Variants in GALNTL6 observed in about 807,000 individuals in gnomAD.
The protein encoded by GALNTL6 is polypeptide N-acetylgalactosaminyltransferase like 6.
GALNTL6 carries 46 observed loss-of-function variants against 73.7 expected under a neutral mutation model. That is an observed-to-expected ratio of 0.62 (90% CI 0.49 to 0.80). The LOEUF is 0.80. Ranked by LOEUF, GALNTL6 falls within the 30% of genes least tolerant of loss-of-function variation. The pLI, the probability that GALNTL6 is intolerant of heterozygous loss-of-function variation, is 0.00. For missense variants in GALNTL6, 604 were observed against 755.0 expected, an observed-to-expected ratio of 0.80 and a Z score of 2.34; for synonymous variants, 259 against 263.7, an observed-to-expected ratio of 0.98 and a Z score of 0.17.
chr4:172,164,658 G>A (rs2110801507), intron 2 of GALNTL6, among the ~76,000 whole-genome samples: 1 of 151,944 alleles, frequency 6.6e-6, no homozygotes, highest in East Asian at 1.9e-4. Context: ...AAATAGATGA[G>A]CTAGGTATTT....
chr4:173,039,934 A>C lies in GALNTL6; in HGVS notation c.1640A>C (p.Asp547Ala). ...KGNQLWGYRK[D>A]RTLFHPVSNS... ...TTCTTTTCTTCCTCACTCCTCCAGG[A>C]CAGAACATTATTCCATCCTGTGAGC... is the stretch of plus-strand genomic sequence containing the variant. Residue 547 changes from aspartate to alanine, a missense_variant and splice_region_variant, in exon 13 of 13, where the codon GAC becomes GCC. Around this residue, in one of 5 missense-constraint regions of GALNTL6, gnomAD observed 261 missense variants for 296.5 expected, o/e 0.88. Coordinates refer to ENST00000506823, the MANE Select transcript of GALNTL6 (RefSeq NM_001034845.3). 1.2e-6 allele frequency: 2 copies of C among 1,612,466 alleles called. No homozygotes were observed. The highest frequency in any genetic ancestry group is 1.7e-6 in the Non-Finnish European group (2 of 1,179,470).
At chr4:172,349,620 G>T (rs995768807) in intron 5 of GALNTL6, among the ~76,000 whole-genome samples, 33 of 151,914 alleles carry the variant, frequency 2.2e-4, no homozygotes, top group Admixed American at 1.3e-4. Flanking sequence ...CTTTGACAGA[G>T]GTAGTCAGTT....
chr4:172,886,989 A>G (rs1745756868), intron 8 of GALNTL6, among the ~76,000 whole-genome samples: 1 of 151,222 alleles, frequency 6.6e-6, no homozygotes. Flanking sequence ...CCTACTCCCT[A>G]CCCCCTCTTG....
At chr4:172,739,362 A>G (rs1276780561) in intron 5 of GALNTL6, among the ~76,000 whole-genome samples, 1 of 152,174 alleles carries the variant, frequency 6.6e-6, no homozygotes, top group East Asian at 1.9e-4. Context: ...TGTCATAAGG[A>G]CAGGAAGTTC....
In GALNTL6 at chr4:172,732,427, T is replaced by C. The variant is rs114067490; in HGVS notation, c.554-76934T>C. The stretch of plus-strand genomic sequence containing the variant: ...CTCTAGTTATGTGTGTCTTTACAGG[T>C]AAAGTGGGGTTTTTGAGGGCAGAAT... On this transcript the variant is annotated intron_variant, in intron 5 of 12. Coordinates refer to ENST00000506823, the MANE Select transcript of GALNTL6 (RefSeq NM_001034845.3). 3.3e-3 allele frequency among the ~76,000 whole-genome samples: 504 copies of C among 152,306 alleles called. 4 individuals are homozygous for C. The highest frequency in any genetic ancestry group is 0.012 in the African/African-American group (481 of 41,584).
At chr4:172,749,260 C>T (rs1291589730) in intron 5 of GALNTL6, among the ~76,000 whole-genome samples, 1 of 151,962 alleles carries the variant, frequency 6.6e-6, no homozygotes, top group Non-Finnish European at 1.5e-5. Flanking sequence ...TTGGTCTATC[C>T]TCCATACCTA....
At chr4:172,334,967 T>C (rs1741259131) in intron 4 of GALNTL6, among the ~76,000 whole-genome samples, 1 of 152,066 alleles carries the variant, frequency 6.6e-6, no homozygotes, top group Admixed American at 6.6e-5. Flanking sequence ...CTTTGTCTAT[T>C]GATATAATCA....
At chr4:172,109,013 CAAAAAAAAAAAAA>C (rs202017302) in intron 2 of GALNTL6, among the ~76,000 whole-genome samples, 10 of 108,294 alleles carry the variant, frequency 9.2e-5, no homozygotes, top group Non-Finnish European at 1.7e-4. Flanking sequence ...ACTCCATCTC[CAAAAAAAAAAAAA>C]AAAAAAAAAA....
chr4:172,023,551 C>T (rs940406634), intron 2 of GALNTL6, among the ~76,000 whole-genome samples: 2 of 151,798 alleles, frequency 1.3e-5, no homozygotes, highest in Non-Finnish European at 2.9e-5. Flanking sequence ...CTTATTTCAA[C>T]TCTTTCATGC....
chr4:172,602,960 G>A (rs942490768), intron 5 of GALNTL6, among the ~76,000 whole-genome samples: 2 of 152,166 alleles, frequency 1.3e-5, no homozygotes, highest in Admixed American at 6.5e-5. Context: ...ATGCCATTGT[G>A]CTGAGCAAAA....
At chr4:172,704,525 T>A (rs1446001963) in intron 5 of GALNTL6, among the ~76,000 whole-genome samples, 1 of 152,034 alleles carries the variant, frequency 6.6e-6, no homozygotes, top group Non-Finnish European at 1.5e-5. Context: ...CCTCTTGTCA[T>A]TGATTTATAG....
intron 5 of GALNTL6, among the ~76,000 whole-genome samples, chr4:172,790,841 G>A (rs1408901041): frequency 6.8e-6 from 1 of 148,092 alleles, no homozygotes; most frequent in African/African-American, 2.5e-5. Flanking sequence ...AGAGGTTGCA[G>A]TGAGCCAAGA....
intron 9 of GALNTL6, among the ~76,000 whole-genome samples, chr4:172,936,483 G>C (rs1228179970): frequency 6.6e-6 from 1 of 152,154 alleles, no homozygotes; most frequent in Non-Finnish European, 1.5e-5. Flanking sequence ...AAGTCAAATT[G>C]TCTCTGTTTG....
At chr4:172,819,146 C>T (rs1157182737) in intron 7 of GALNTL6, among the ~76,000 whole-genome samples, 1 of 152,184 alleles carries the variant, frequency 6.6e-6, no homozygotes, top group East Asian at 1.9e-4. Flanking sequence ...ATAGCCCATG[C>T]TAAAATGGGG....
intron 2 of GALNTL6, among the ~76,000 whole-genome samples, chr4:172,151,905 A>T (rs1734097942): frequency 6.7e-6 from 1 of 149,788 alleles, no homozygotes; most frequent in Admixed American, 6.7e-5. Flanking sequence ...TGTATATATA[A>T]AAATATATAT....
At chr4:172,855,364 T>C in intron 7 of GALNTL6, among the ~76,000 whole-genome samples, 1 of 152,308 alleles carries the variant, frequency 6.6e-6, no homozygotes, top group South Asian at 2.1e-4. Context: ...ATATATATAC[T>C]TAATAATAGT....
At chr4:172,712,861 T>C (rs1734796925) in intron 5 of GALNTL6, among the ~76,000 whole-genome samples, 1 of 152,202 alleles carries the variant, frequency 6.6e-6, no homozygotes, top group Admixed American at 6.5e-5. Context: ...GTTGAGAACA[T>C]AGATTTTGAG....
At chr4:172,616,082 T>C (rs1738717798) in intron 5 of GALNTL6, among the ~76,000 whole-genome samples, 1 of 152,202 alleles carries the variant, frequency 6.6e-6, no homozygotes, top group East Asian at 1.9e-4. Context: ...AGCTCTCTGC[T>C]ACCATCCTCT....
chr4:172,114,768 CT>C (rs766303151), intron 2 of GALNTL6, among the ~76,000 whole-genome samples: 3 of 151,996 alleles, frequency 2.0e-5, no homozygotes, highest in Non-Finnish European at 4.4e-5. Context: ...ATATATGATT[CT>C]TTTTATTATA....
Sources: gnomAD v4.1 joint callset for allele counts (sites outside exome capture counted in the v4.1 genomes callset) on GRCh38, gnomAD v4.1.1 for gene constraint, gnomAD v4.1.1 regional missense constraint, MANE v1.5 for transcripts, NCBI Gene and HGNC (gene_info 2026-07-23, HGNC 2026-07-21) for gene names.